The following SRSF4 variants were observed in gnomAD, a reference collection of about 807,000 sequenced individuals.
SRSF4 encodes the protein serine/arginine-rich splicing factor 4.
A neutral mutation model predicts 48.8 loss-of-function variants in SRSF4; 12 were observed. That is an observed-to-expected ratio of 0.25 (90% confidence interval 0.16 to 0.40). The LOEUF is 0.40. Ranked by LOEUF, SRSF4 falls within the 10% of genes least tolerant of loss-of-function variation. SRSF4 has a pLI of 1.00. For synonymous variants in SRSF4, 248 were observed against 232.5 expected (o/e 1.07, Z -0.61); for missense variants, 466 against 667.1 (o/e 0.70, Z 3.32).
chr1:29,150,198 G>A lies in SRSF4; in HGVS notation c.579-6C>T, dbSNP rs748656876. On this transcript the variant is annotated splice_region_variant and splice_polypyrimidine_tract_variant and intron_variant, in intron 4 of 5. Coordinates refer to ENST00000373795, the MANE Select transcript of SRSF4 (RefSeq NM_005626.5). ...GTCTGCTTCGAGAGCGAGACCTAGG[G>A]GGAGAAAATATTTTTTAATACTTGC... 1.4e-5 allele frequency: 22 copies of A among 1,612,856 alleles called. No individual in the cohort carries two copies. Among genetic ancestry groups the A allele is most frequent in the Non-Finnish European group, 1.9e-5 (22 of 1,179,236 alleles).
At chr1:29,181,088 A>G (rs1215443249) in intron 1 of SRSF4, among the ~76,000 whole-genome samples, 2 of 152,234 alleles carry the variant, frequency 1.3e-5, no homozygotes, top group Admixed American at 1.3e-4. Flanking sequence ...GATACTTTCG[A>G]AACTGTCACT....
chr1:29,159,648 G>A, intron 2 of SRSF4, 162 bp from the exon 3 acceptor site: 1 of 432,916 alleles, frequency 2.3e-6, no homozygotes, highest in Non-Finnish European at 4.0e-6. Context: ...TTTTAAAGAA[G>A]CAATCAGCTA....
At chr1:29,149,811 T>C (rs1479118063) in intron 5 of SRSF4, among the ~76,000 whole-genome samples, 7 of 151,848 alleles carry the variant, frequency 4.6e-5, no homozygotes, top group African/African-American at 9.7e-5. Flanking sequence ...GGAGGACTAT[T>C]TGAGGTCATG....
At chr1:29,176,174 C>T (rs1672848482) in intron 1 of SRSF4, among the ~76,000 whole-genome samples, 1 of 152,074 alleles carries the variant, frequency 6.6e-6, no homozygotes, top group Non-Finnish European at 1.5e-5. Flanking sequence ...ATTGCTTGAA[C>T]CCAAAAGGCG....
chr1:29,157,243 A>G (rs1672514728), intron 3 of SRSF4, among the ~76,000 whole-genome samples: 1 of 152,016 alleles, frequency 6.6e-6, no homozygotes, highest in African/African-American at 2.4e-5. Flanking sequence ...GGCTTTGCAC[A>G]ATTTATTGTC....
intron 3 of SRSF4, 74 bp from the exon 4 acceptor site, chr1:29,154,984 T>C (rs1224404832): frequency 1.4e-6 from 2 of 1,387,902 alleles, no homozygotes; most frequent in Middle Eastern, 1.8e-4. Context: ...TCTGAGTGAA[T>C]TTTTCCTTTA....
At chr1:29,165,066 C>T (rs1475502810) in intron 1 of SRSF4, among the ~76,000 whole-genome samples, 3 of 152,162 alleles carry the variant, frequency 2.0e-5, no homozygotes, top group South Asian at 2.1e-4. Context: ...ATCCAAAATT[C>T]GTCTGATCCC....
At chr1:29,161,917 T>TATA (rs1491515958) in intron 1 of SRSF4, among the ~76,000 whole-genome samples, 1 of 152,252 alleles carries the variant, frequency 6.6e-6, no homozygotes, top group Non-Finnish European at 1.5e-5. Flanking sequence ...AATGTGATGC[T>TATA]ATACTCAGTA....
At chr1:29,168,151 A>G (rs1019833883) in intron 1 of SRSF4, among the ~76,000 whole-genome samples, 3 of 151,184 alleles carry the variant, frequency 2.0e-5, no homozygotes, top group East Asian at 2.0e-4. Context: ...AGTGGCTGGG[A>G]CTACAGGTGT....
chr1:29,181,587 C>G, intron 1 of SRSF4, 59 bp downstream of exon 1: 1 of 1,410,094 alleles, frequency 7.1e-7, no homozygotes, highest in African/African-American at 1.5e-5. Context: ...TCCCCGCGGC[C>G]TCCCCACCAC....
At chr1:29,166,269 G>A (rs552051584) in intron 1 of SRSF4, among the ~76,000 whole-genome samples, 1 of 152,102 alleles carries the variant, frequency 6.6e-6, no homozygotes, top group African/African-American at 2.4e-5. Flanking sequence ...GGTCTTATGA[G>A]GTAAAAAGTC....
At chr1:29,165,255 T>C (rs1380007602) in intron 1 of SRSF4, among the ~76,000 whole-genome samples, 1 of 152,226 alleles carries the variant, frequency 6.6e-6, no homozygotes, top group African/African-American at 2.4e-5. Flanking sequence ...CACACTGAAT[T>C]ACATGGGCTG....
At chr1:29,181,559 C>G in intron 1 of SRSF4, 87 bp downstream of exon 1, 1 of 1,203,578 alleles carries the variant, frequency 8.3e-7, no homozygotes, top group East Asian at 2.9e-5. Context: ...TCCGCGCGGA[C>G]CAGGCGTCCC....
intron 1 of SRSF4, among the ~76,000 whole-genome samples, chr1:29,180,670 C>T (rs1672941734): frequency 6.6e-6 from 1 of 152,170 alleles, no homozygotes; most frequent in Non-Finnish European, 1.5e-5. Context: ...CACCCCAGTC[C>T]TTTTAATTTT....
chr1:29,172,614 C>G (rs555465133), intron 1 of SRSF4: 5 of 152,322 alleles, frequency 3.3e-5, no homozygotes, highest in Middle Eastern at 3.4e-3. Context: ...AGGGGTACTC[C>G]ATGCTGTTGA....
intron 1 of SRSF4, among the ~76,000 whole-genome samples, chr1:29,173,692 G>A (rs867556199): frequency 2.7e-5 from 4 of 147,662 alleles, no homozygotes; most frequent in Non-Finnish European, 4.5e-5. Flanking sequence ...CAAGTGATCC[G>A]CCCACCTCAG....
At chr1:29,160,144 C>A (rs961141355) in intron 2 of SRSF4, 54 of 451,130 alleles carry the variant, frequency 1.2e-4, no homozygotes, top group Non-Finnish European at 1.8e-4. Context: ...CACAAACACA[C>A]ATCATTAAAC....
intron 1 of SRSF4, chr1:29,168,632 T>C (rs1175958310): frequency 6.6e-6 from 1 of 152,118 alleles, no homozygotes; most frequent in African/African-American, 2.4e-5. Context: ...GTTCAGAACA[T>C]AACAGACTAG....
intron 3 of SRSF4, among the ~76,000 whole-genome samples, chr1:29,157,193 T>C (rs1672514222): frequency 1.3e-5 from 2 of 152,086 alleles, no homozygotes; most frequent in African/African-American, 4.8e-5. Context: ...GGGAACATAA[T>C]GGTGATAAGG....
Sources: allele counts gnomAD v4.1 joint callset (sites outside exome capture counted in the v4.1 genomes callset), GRCh38; gene constraint gnomAD v4.1.1; transcripts MANE v1.5; gene names NCBI Gene and HGNC (gene_info 2026-07-23, HGNC 2026-07-21).